The following HSP90AA1 variants were observed in gnomAD, a reference collection of about 807,000 sequenced individuals.
The protein encoded by HSP90AA1 is heat shock protein HSP 90-alpha.
In HSP90AA1, 18 loss-of-function variants were observed where a neutral mutation model predicts 73.3. That is an observed-to-expected ratio of 0.25 (90% CI 0.17 to 0.36). The LOEUF is 0.36. Ranked by LOEUF, HSP90AA1 falls within the 10% of genes least tolerant of loss-of-function variation. The probability of loss-of-function intolerance (pLI) is 1.00; values close to 1 mark genes in which losing one functional copy is unlikely to be tolerated. For missense variants in HSP90AA1, 704 were observed against 874.2 expected (o/e 0.81, Z 2.45); for synonymous variants, 477 against 296.9 (o/e 1.61, Z -6.24).
In HSP90AA1 at chr14:102,097,643, C is replaced by T. The variant is rs531930011; in HGVS notation, c.366+4232G>A. ...GGCTTGTTTATCCTCAGATACCCCT[C>T]GAGGTGGGGTGGGTTAAAACTGAAA... On this transcript the variant is annotated intron_variant, in intron 2 of 11. Coordinates refer to the HSP90AA1 transcript ENST00000334701. 3.9e-5 allele frequency among the ~76,000 whole-genome samples: 6 copies of T among 152,296 alleles called. No homozygotes were observed. In the South Asian group the frequency reaches 6.2e-4, roughly 16 times the overall value.
rs535043572 is a variant in HSP90AA1 at position 102,134,091 on chromosome 14, C to T, written c.155+5159G>A. Among the ~76,000 whole-genome samples, 10 of 151,088 alleles carry T rather than the reference C, an allele frequency of 6.6e-5. No individual in the cohort carries two copies. In the South Asian group the frequency reaches 8.4e-4, roughly 13 times the overall value. The stretch of plus-strand genomic sequence containing the variant: ...GCTTCAACCTGGGAGACAGAGGTTG[C>T]AGTGAGCCGAGATTACGCCACTGCA... On this transcript the variant is annotated intron_variant, in intron 1 of 11. Coordinates refer to the HSP90AA1 transcript ENST00000334701.
rs375592323 is a variant in HSP90AA1, at chr14:102,082,400, G to A, written c.1800C>T (p.Val600=). ...TTGCTGTCCAGCCATATGTGCTTGT[G>A]ACAATACAGCATGGAGATGTCACCA... ...NRLVTSPCCI[V]TSTYGWTANM... Residue 600 remains valine (V), a synonymous_variant, in exon 10 of 11, where the codon GTC becomes GTT. Coordinates refer to ENST00000216281, the MANE Select transcript of HSP90AA1 (RefSeq NM_005348.4). The A allele has an allele frequency of 1.1e-5, 18 of 1,613,626 alleles. No individual in the cohort carries two copies. Among genetic ancestry groups the A allele is most frequent in the Admixed American group, 1.0e-4 (6 of 59,978 alleles).
At chr14:102,122,405 C>T (rs1174392532) in intron 1 of HSP90AA1, among the ~76,000 whole-genome samples, 4 of 151,614 alleles carry the variant, frequency 2.6e-5, no homozygotes, top group Non-Finnish European at 5.9e-5. Flanking sequence ...CTCAGCCTCC[C>T]GAGTAGCTGG....
Position 102,081,370 on chromosome 14 carries a change from A to G in HSP90AA1, c.*342T>C, listed in dbSNP as rs2049094164. The G allele has an allele frequency of 2.3e-6, 1 of 432,564 alleles. No individual in the cohort carries two copies. The highest frequency in any genetic ancestry group is 4.2e-6 in the Non-Finnish European group (1 of 236,334). The allele number at this position is 432,564 out of a possible 1,614,324, so 26.8% of individuals were successfully genotyped here. ...TTCTAAACATCAAGATACAGCTCAG[A>G]ACACTTCAATAACAAGATTTGGTCT... On this transcript the variant is annotated 3_prime_UTR_variant, in exon 11 of 11. Transcript: ENST00000216281.
At chr14:102,120,963 A>C (rs540944453) in intron 1 of HSP90AA1, among the ~76,000 whole-genome samples, 1 of 151,944 alleles carries the variant, frequency 6.6e-6, no homozygotes, top group Admixed American at 6.6e-5. Context: ...TCTGCTTTTC[A>C]GAAAATGAAA....
At chr14:102,124,708 A>AT (rs2049820431) in intron 1 of HSP90AA1, among the ~76,000 whole-genome samples, 1 of 151,996 alleles carries the variant, frequency 6.6e-6, no homozygotes, top group African/African-American at 2.4e-5. Context: ...TTGGCTTCTT[A>AT]TTGTTTCTTA....
intron 1 of HSP90AA1, among the ~76,000 whole-genome samples, chr14:102,105,569 C>T (rs2152620505): frequency 6.6e-6 from 1 of 152,210 alleles, no homozygotes; most frequent in East Asian, 1.9e-4. Flanking sequence ...GTGGCTAGAG[C>T]ACAGCTGGTA....
chr14:102,107,523 C>A (rs1332288551), intron 1 of HSP90AA1, among the ~76,000 whole-genome samples: 1 of 152,042 alleles, frequency 6.6e-6, no homozygotes, highest in African/African-American at 2.4e-5. Flanking sequence ...TGGGGTTTCA[C>A]CACGTTGGCC....
intron 1 of HSP90AA1, among the ~76,000 whole-genome samples, chr14:102,125,970 T>C (rs1013239554): frequency 2.0e-5 from 3 of 152,134 alleles, no homozygotes; most frequent in South Asian, 4.1e-4. Context: ...AGAAAACATA[T>C]AAATATGTGT....
intron 2 of HSP90AA1, among the ~76,000 whole-genome samples, chr14:102,095,101 C>G (rs1201406123): frequency 2.6e-5 from 4 of 152,148 alleles, no homozygotes; most frequent in Admixed American, 6.5e-5. Context: ...TGCTGCGCAT[C>G]CACGTGGATG....
intron 1 of HSP90AA1, among the ~76,000 whole-genome samples, chr14:102,111,285 G>T (rs1346395350): frequency 6.6e-6 from 1 of 152,224 alleles, no homozygotes; most frequent in Non-Finnish European, 1.5e-5. Flanking sequence ...CGGGCCCAGG[G>T]CCCCCTTGCT....
intron 1 of HSP90AA1, among the ~76,000 whole-genome samples, chr14:102,117,533 AG>A (rs1338961936): frequency 6.6e-6 from 1 of 151,980 alleles, no homozygotes; most frequent in African/African-American, 2.4e-5. Flanking sequence ...AGCAGAGAGG[AG>A]CTACCCTCTT....
chr14:102,125,546 T>A (rs886561080), intron 1 of HSP90AA1, among the ~76,000 whole-genome samples: 11 of 152,154 alleles, frequency 7.2e-5, no homozygotes, highest in African/African-American at 2.7e-4. Context: ...GATATTTACC[T>A]GAAAGCCAAA....
chr14:102,118,493 A>T (rs980777619), intron 1 of HSP90AA1, among the ~76,000 whole-genome samples: 2 of 151,806 alleles, frequency 1.3e-5, no homozygotes, highest in Admixed American at 1.3e-4. Context: ...TGCCCACCTC[A>T]GCCTCCCAAA....
intron 1 of HSP90AA1, among the ~76,000 whole-genome samples, chr14:102,134,360 A>G (rs926916019): frequency 1.3e-5 from 2 of 150,340 alleles, no homozygotes; most frequent in African/African-American, 2.5e-5. Context: ...GACAGTAGAA[A>G]CGTTAGACTG....
chr14:102,129,137 T>A lies in HSP90AA1; in HGVS notation c.155+10113A>T, dbSNP rs1418477811. Among the ~76,000 whole-genome samples the A allele has an allele frequency of 1.2e-4, 17 of 142,912 alleles. No individual in the cohort carries two copies. The South Asian group carries it at 3.8e-3, about 32-fold the overall frequency. 93.8% of individuals were successfully genotyped at this position (142,912 alleles called of 152,430 possible). A position where few individuals can be genotyped will look rare whatever the true frequency, so the allele number is the denominator to read the frequency against. On this transcript the variant is annotated intron_variant, in intron 1 of 11. Coordinates refer to the HSP90AA1 transcript ENST00000334701. ...GATAGAGTGGCTCTAGTTTTGATTTTTTTTTTTTTTTTTTTTTGAGACGGA... is the reference window on the plus strand; with the variant it reads ...GATAGAGTGGCTCTAGTTTTGATTTATTTTTTTTTTTTTTTTTGAGACGGA...
intron 1 of HSP90AA1, among the ~76,000 whole-genome samples, chr14:102,123,611 A>C (rs546888886): frequency 6.6e-6 from 1 of 152,056 alleles, no homozygotes; most frequent in South Asian, 2.1e-4. Context: ...CCTAGCCTCA[A>C]GGGATCCTCC....
rs192762569 is a variant in HSP90AA1 at position 102,136,296 on chromosome 14, C to T, written c.155+2954G>A. Among the ~76,000 whole-genome samples, 46 of 152,108 alleles carry T rather than the reference C, an allele frequency of 3.0e-4. No individual in the cohort carries two copies. The East Asian group carries it at 6.6e-3, about 22-fold the overall frequency. ...AGAAATACCCGGTTTGGGCCGGGCG[C>T]GGTGGCTCACGCTTGTAATCCCAGC... On this transcript the variant is annotated intron_variant, in intron 1 of 11. Coordinates refer to the HSP90AA1 transcript ENST00000334701.
At chr14:102,107,354 G>A (rs576122149) in intron 1 of HSP90AA1, among the ~76,000 whole-genome samples, 48 of 151,930 alleles carry the variant, frequency 3.2e-4, no homozygotes, top group Non-Finnish European at 5.6e-4. Flanking sequence ...GAGACGTAGT[G>A]TTGCTCTATT....
Sources: allele counts gnomAD v4.1 joint callset (sites outside exome capture counted in the v4.1 genomes callset), GRCh38; gene constraint gnomAD v4.1.1; transcripts MANE v1.5; gene names NCBI Gene and HGNC (gene_info 2026-07-23, HGNC 2026-07-21).